Variants in NAV2 observed in about 807,000 individuals in gnomAD.
NAV2 encodes the protein helicase, APC down-regulated 1.
Under a neutral mutation model 223.2 loss-of-function variants are expected in NAV2, and 54 were observed. The ratio of observed to expected loss-of-function variants is 0.24; its 90% CI spans 0.19 to 0.30. The LOEUF (loss-of-function observed/expected upper bound fraction) is 0.30. Among genes scored for constraint, NAV2 ranks in the 10% least tolerant of loss-of-function variants. The pLI is 1.00. For missense variants in NAV2, 2,806 were observed against 3,147.5 expected, an observed-to-expected ratio of 0.89 and a Z score of 2.60; for synonymous variants, 1,279 against 1,239.3, an observed-to-expected ratio of 1.03 and a Z score of -0.67.
intron 1 of NAV2, among the ~76,000 whole-genome samples, chr11:19,456,103 G>T (rs1373732600): frequency 6.6e-6 from 1 of 152,224 alleles, no homozygotes; most frequent in East Asian, 1.9e-4. Flanking sequence ...AACCTGGATT[G>T]CTCCCACCAG....
intron 1 of NAV2, among the ~76,000 whole-genome samples, chr11:19,721,053 C>T (rs2050709253): frequency 6.6e-6 from 1 of 152,214 alleles, no homozygotes; most frequent in African/African-American, 2.4e-5. Context: ...GGTGAAGCTA[C>T]TTTTCCAAGG....
intron 1 of NAV2, among the ~76,000 whole-genome samples, chr11:19,655,579 A>G (rs547419453): frequency 1.6e-4 from 24 of 152,276 alleles, no homozygotes; most frequent in African/African-American, 4.8e-4. Flanking sequence ...GGATGAGTTC[A>G]TGTCCTTTGT....
chr11:19,416,979 A>T (rs1850398788), intron 1 of NAV2, among the ~76,000 whole-genome samples: 1 of 152,238 alleles, frequency 6.6e-6, no homozygotes, highest in African/African-American at 2.4e-5. Flanking sequence ...GTAAGATCTA[A>T]AACCATAAAA....
chr11:20,092,448 GCAGATCAA>G, intron 28 of NAV2, 80 bp downstream of exon 28: 1 of 1,451,292 alleles, frequency 6.9e-7, no homozygotes. Flanking sequence ...CCCAAAATAA[GCAGATCAA>G]CAGATCAAAT....
At chr11:19,594,275 C>G (rs183442200) in intron 1 of NAV2, among the ~76,000 whole-genome samples, 4 of 152,256 alleles carry the variant, frequency 2.6e-5, no homozygotes, top group African/African-American at 9.6e-5. Context: ...GGAGTTGAGG[C>G]TCAAGCACTA....
At chr11:19,412,824 G>GC (rs1416980819) in intron 1 of NAV2, among the ~76,000 whole-genome samples, 2 of 152,224 alleles carry the variant, frequency 1.3e-5, no homozygotes, top group African/African-American at 4.8e-5. Context: ...CAGACCTGCA[G>GC]CAGAGGGGCC....
chr11:19,637,631 A>C (rs1229949442), intron 1 of NAV2, among the ~76,000 whole-genome samples: 1 of 152,236 alleles, frequency 6.6e-6, no homozygotes, highest in Non-Finnish European at 1.5e-5. Flanking sequence ...CTCATGCAGA[A>C]GGCAAAGGGA....
intron 20 of NAV2, among the ~76,000 whole-genome samples, chr11:20,067,504 G>T (rs1186872632): frequency 6.6e-6 from 1 of 151,954 alleles, no homozygotes; most frequent in South Asian, 2.1e-4. Context: ...TTTTGAGACG[G>T]GTAGCCTCTG....
intron 1 of NAV2, among the ~76,000 whole-genome samples, chr11:19,764,702 G>A (rs574466312): frequency 1.3e-5 from 2 of 151,960 alleles, no homozygotes; most frequent in South Asian, 4.2e-4. Context: ...TATGTTATAT[G>A]TGCGTGCATC....
intron 1 of NAV2, among the ~76,000 whole-genome samples, chr11:19,691,042 A>G (rs2049159287): frequency 6.6e-6 from 1 of 152,194 alleles, no homozygotes; most frequent in Non-Finnish European, 1.5e-5. Context: ...GTACAAGTGA[A>G]TCACCTGGGG....
intron 1 of NAV2, among the ~76,000 whole-genome samples, chr11:19,649,653 C>G (rs963525388): frequency 6.6e-6 from 1 of 152,108 alleles, no homozygotes; most frequent in Admixed American, 6.5e-5. Flanking sequence ...TCCCAAAGAC[C>G]CCAGCTCCAG....
At chr11:19,478,100 A>G (rs900761759) in intron 1 of NAV2, among the ~76,000 whole-genome samples, 4 of 152,192 alleles carry the variant, frequency 2.6e-5, no homozygotes, top group African/African-American at 9.7e-5. Context: ...TATATATGTT[A>G]AAAAAATGTT....
At chr11:19,772,950 C>A (rs1415360695) in intron 1 of NAV2, among the ~76,000 whole-genome samples, 2 of 152,192 alleles carry the variant, frequency 1.3e-5, no homozygotes, top group Admixed American at 6.5e-5. Flanking sequence ...CAGACAGAGG[C>A]TGGGCTTGCA....
chr11:19,762,072 G>A (rs59600005), intron 1 of NAV2, among the ~76,000 whole-genome samples: 6,316 of 152,124 alleles, frequency 0.042, 407 homozygotes, highest in African/African-American at 0.14. Flanking sequence ...GTGAAACCTC[G>A]TCTCTACTAA....
At chr11:19,403,548 A>C (rs1283717770) in intron 1 of NAV2, among the ~76,000 whole-genome samples, 1 of 152,216 alleles carries the variant, frequency 6.6e-6, no homozygotes, top group Non-Finnish European at 1.5e-5. Context: ...ATGTAGCGGC[A>C]CACGATGTGG....
At chr11:20,100,839 G>A (rs2061590883) in intron 31 of NAV2, 98 bp from the exon 32 acceptor site, 2 of 972,796 alleles carry the variant, frequency 2.1e-6, no homozygotes, top group East Asian at 2.5e-5. Flanking sequence ...CTGCCGAGGA[G>A]AGGAATCACC....
intron 6 of NAV2, among the ~76,000 whole-genome samples, chr11:19,897,195 A>G (rs12224640): frequency 0.6 from 90,833 of 151,426 alleles, 28,277 homozygotes; most frequent in African/African-American, 0.78. Context: ...AGAACACATG[A>G]ACACAGGAAA....
At chr11:19,919,553 G>A (rs1005055214) in intron 6 of NAV2, among the ~76,000 whole-genome samples, 9 of 152,172 alleles carry the variant, frequency 5.9e-5, no homozygotes, top group Admixed American at 2.0e-4. Context: ...GGGCAGGGCC[G>A]TGGGAGCCAC....
intron 1 of NAV2, among the ~76,000 whole-genome samples, chr11:19,776,576 G>A (rs2056181569): frequency 3.0e-5 from 4 of 131,546 alleles, no homozygotes; most frequent in Non-Finnish European, 3.2e-5. Flanking sequence ...GCTGGGGCAG[G>A]GGTGTGTGTG....
Sources: allele counts gnomAD v4.1 joint callset (sites outside exome capture counted in the v4.1 genomes callset), GRCh38; gene constraint gnomAD v4.1.1; transcripts MANE v1.5; gene names NCBI Gene and HGNC (gene_info 2026-07-23, HGNC 2026-07-21).